Variants in IGFBP7 observed in about 807,000 individuals in gnomAD.
The protein encoded by IGFBP7 is insulin-like growth factor-binding protein 7.
IGFBP7 carries 31 observed loss-of-function variants against 29.4 expected under a neutral mutation model. The observed-to-expected ratio is 1.05, with a 90% confidence interval of 0.79 to 1.42. IGFBP7 has a LOEUF of 1.42. Among genes scored for constraint, IGFBP7 ranks in the 40% most tolerant of loss-of-function variants. IGFBP7 has a pLI of 0.00. For synonymous variants in IGFBP7, 172 were observed against 174.9 expected (o/e 0.98, Z 0.13); for missense variants, 393 against 395.5 (o/e 0.99, Z 0.05).
intron 1 of IGFBP7, among the ~76,000 whole-genome samples, chr4:57,107,364 T>G (rs1726059349): frequency 6.6e-6 from 1 of 152,222 alleles, no homozygotes; most frequent in South Asian, 2.1e-4. Context: ...CTTAAGTTTC[T>G]TCTGAGAATA....
chr4:57,040,608 G>A (rs369821242), intron 2 of IGFBP7, among the ~76,000 whole-genome samples: 54 of 152,336 alleles, frequency 3.5e-4, no homozygotes, highest in African/African-American at 1.3e-3. Flanking sequence ...TGTTCTTCCA[G>A]TTTCTCAGAT....
At chr4:57,086,350 GC>G (rs1725497153) in intron 1 of IGFBP7, among the ~76,000 whole-genome samples, 1 of 152,164 alleles carries the variant, frequency 6.6e-6, no homozygotes, top group African/African-American at 2.4e-5. Context: ...CATATCAGGA[GC>G]CCCGGCTGGG....
intron 2 of IGFBP7, among the ~76,000 whole-genome samples, chr4:57,037,782 T>G (rs1277313): frequency 0.78 from 119,308 of 152,006 alleles, 47,112 homozygotes; most frequent in African/African-American, 0.85. Flanking sequence ...CTTCTCATTG[T>G]GTAAGTATCC....
At chr4:57,042,651 A>G (rs1364657532) in intron 1 of IGFBP7, among the ~76,000 whole-genome samples, 1 of 152,242 alleles carries the variant, frequency 6.6e-6, no homozygotes, top group Non-Finnish European at 1.5e-5. Flanking sequence ...CCCGGCCTGC[A>G]GTTTCAAATG....
intron 1 of IGFBP7, among the ~76,000 whole-genome samples, chr4:57,092,393 T>G (rs1250244938): frequency 6.6e-6 from 1 of 152,162 alleles, no homozygotes; most frequent in African/African-American, 2.4e-5. Context: ...CTGGTAATAT[T>G]AGATGCAAAC....
chr4:57,070,613 G>C (rs1725031192), intron 1 of IGFBP7, among the ~76,000 whole-genome samples: 1 of 152,146 alleles, frequency 6.6e-6, no homozygotes, highest in Non-Finnish European at 1.5e-5. Context: ...GATGCCCCAG[G>C]CCACATTTAT....
chr4:57,091,258 G>T (rs1205109785), intron 1 of IGFBP7, among the ~76,000 whole-genome samples: 1 of 152,218 alleles, frequency 6.6e-6, no homozygotes, highest in Non-Finnish European at 1.5e-5. Flanking sequence ...ACTATGCAGG[G>T]AATTTAATGT....
chr4:57,032,296 T>C, intron 4 of IGFBP7, 130 bp downstream of exon 4: 1 of 1,460,846 alleles, frequency 6.8e-7, no homozygotes, highest in South Asian at 1.5e-5. Context: ...ATGGCATACT[T>C]AATGCCCTTA....
chr4:57,089,818 C>T (rs1057331794), intron 1 of IGFBP7, among the ~76,000 whole-genome samples: 2 of 152,176 alleles, frequency 1.3e-5, no homozygotes, highest in African/African-American at 2.4e-5. Flanking sequence ...GAAACATTTG[C>T]TCACCTGATA....
intron 1 of IGFBP7, among the ~76,000 whole-genome samples, chr4:57,076,534 G>A (rs1718847): frequency 0.63 from 95,921 of 152,064 alleles, 30,727 homozygotes; most frequent in East Asian, 0.89. Flanking sequence ...TCGTGTAAGC[G>A]TATGGCTCCA....
chr4:57,102,085 G>A (rs1434434863), intron 1 of IGFBP7, among the ~76,000 whole-genome samples: 2 of 152,158 alleles, frequency 1.3e-5, no homozygotes, highest in East Asian at 1.9e-4. Flanking sequence ...ACACAGATGA[G>A]GTCAGATTGT....
chr4:57,098,291 A>G (rs182958673), intron 1 of IGFBP7, among the ~76,000 whole-genome samples: 2 of 152,322 alleles, frequency 1.3e-5, no homozygotes, highest in East Asian at 3.9e-4. Context: ...GTGGGTGAAG[A>G]AAAGAAAATC....
At chr4:57,045,226 G>C (rs779357080) in intron 1 of IGFBP7, among the ~76,000 whole-genome samples, 2 of 152,132 alleles carry the variant, frequency 1.3e-5, no homozygotes, top group Non-Finnish European at 2.9e-5. Context: ...AATTCTACAA[G>C]ACTTCCATAC....
intron 1 of IGFBP7, among the ~76,000 whole-genome samples, chr4:57,093,178 T>A (rs1725679631): frequency 6.6e-6 from 1 of 152,154 alleles, no homozygotes; most frequent in Non-Finnish European, 1.5e-5. Context: ...GCAGCTAAAG[T>A]TTAATTAACA....
At chr4:57,085,981 G>A (rs1725488325) in intron 1 of IGFBP7, among the ~76,000 whole-genome samples, 1 of 152,140 alleles carries the variant, frequency 6.6e-6, no homozygotes, top group South Asian at 2.1e-4. Context: ...TCCTGGAAGG[G>A]AGCTGTATTA....
intron 1 of IGFBP7, among the ~76,000 whole-genome samples, chr4:57,092,160 G>T (rs898481097): frequency 1.3e-5 from 2 of 152,176 alleles, no homozygotes; most frequent in African/African-American, 4.8e-5. Context: ...ATGGGTGGCT[G>T]CCCTTACAAC....
At chr4:57,067,439 C>A (rs969210138) in intron 1 of IGFBP7, among the ~76,000 whole-genome samples, 2 of 152,070 alleles carry the variant, frequency 1.3e-5, no homozygotes, top group African/African-American at 4.8e-5. Context: ...AAGAAAGAAG[C>A]CAGTCCCAGA....
chr4:57,035,324 T>TA (rs1454485152), intron 2 of IGFBP7, among the ~76,000 whole-genome samples: 1 of 152,224 alleles, frequency 6.6e-6, no homozygotes, highest in Non-Finnish European at 1.5e-5. Flanking sequence ...TAATTAATGT[T>TA]ACGTAATTAT....
At chr4:57,049,928 G>A (rs1044318950) in intron 1 of IGFBP7, among the ~76,000 whole-genome samples, 12 of 152,102 alleles carry the variant, frequency 7.9e-5, no homozygotes, top group African/African-American at 2.4e-4. Flanking sequence ...GGCCAAAAGC[G>A]TACACCTCAC....
Sources: allele counts gnomAD v4.1 joint callset (sites outside exome capture counted in the v4.1 genomes callset), GRCh38; gene constraint gnomAD v4.1.1; transcripts MANE v1.5; gene names NCBI Gene and HGNC (gene_info 2026-07-23, HGNC 2026-07-21).